NFATC2: variants seen among roughly 807,000 people sequenced by gnomAD.
NFATC2 encodes nuclear factor of activated T-cells, cytoplasmic 2.
NFATC2 carries 22 observed loss-of-function variants against 87.3 expected under a neutral mutation model. That is an observed-to-expected ratio of 0.25 (90% CI 0.18 to 0.36). The LOEUF (loss-of-function observed/expected upper bound fraction) is 0.36, where lower values mean the gene tolerates loss of function less well. Among genes scored for constraint, NFATC2 ranks in the 10% least tolerant of loss-of-function variants. The pLI, the probability that NFATC2 is intolerant of heterozygous loss-of-function variation, is 1.00. For synonymous variants in NFATC2, 565 were observed against 542.2 expected, an observed-to-expected ratio of 1.04 and a Z score of -0.58; for missense variants, 1,149 against 1,259.1, an observed-to-expected ratio of 0.91 and a Z score of 1.32.
chr20:51,542,752 G>GGT (rs1190794055), upstream of NFATC2: 6 of 598,160 alleles, frequency 1.0e-5, 1 homozygote, highest in Admixed American at 8.3e-5. Context: ...GGGGAGGCGG[G>GGT]GGGGGGGGGG....
Position 51,518,405 on chromosome 20 carries a change from G to C in NFATC2, c.1161-1450C>G, listed in dbSNP as rs570949498. Among the ~76,000 whole-genome samples, 12 of 152,130 alleles carry C rather than the reference G, an allele frequency of 7.9e-5. No homozygotes were observed. In the South Asian group the frequency reaches 2.5e-3, roughly 32 times the overall value. ...CACAGCAGTACCAAGGGGAGCCCAG[G>C]GGGTAGCACCTCCATAAACTTCATC... On this transcript the variant is annotated intron_variant, in intron 2 of 10. Transcript: ENST00000371564.
At chr20:51,435,581 T>A in intron 7 of NFATC2, 125 bp downstream of exon 7, 1 of 1,044,544 alleles carries the variant, frequency 9.6e-7, no homozygotes, top group African/African-American at 1.6e-5. Flanking sequence ...TATGCACATA[T>A]TGAGTACCTG....
chr20:51,398,519 G>T, intron 10 of NFATC2, 124 bp downstream of exon 10: 1 of 617,126 alleles, frequency 1.6e-6, no homozygotes, highest in Non-Finnish European at 2.8e-6. Flanking sequence ...TTAAGAGCAG[G>T]AGAATGAGAA....
chr20:51,390,513 C>T lies in NFATC2; in HGVS notation c.*983G>A, dbSNP rs1002047230. ...TCTGGCTGCTAGGAAGAAAGCAAGC[C>T]GGAACCTTGCAAAGCATCCAGGTTG... is the stretch of plus-strand genomic sequence containing the variant. On this transcript the variant is annotated 3_prime_UTR_variant, in exon 11 of 11. Transcript: ENST00000371564. The T allele has an allele frequency of 6.6e-6, 1 of 152,220 alleles. No homozygotes were observed. The highest frequency in any genetic ancestry group is 1.5e-5 in the Non-Finnish European group (1 of 68,056). The allele number at this position is 152,220 out of a possible 1,614,324, so 9.4% of individuals were successfully genotyped here. A position where few individuals can be genotyped will look rare whatever the true frequency, so the allele number is the denominator to read the frequency against.
intron 1 of NFATC2, among the ~76,000 whole-genome samples, chr20:51,532,171 T>C (rs909399911): frequency 2.0e-5 from 3 of 152,200 alleles, no homozygotes; most frequent in African/African-American, 7.2e-5. Context: ...TTCATATTTG[T>C]CTCACAAGAA....
rs1214681895 is a variant in NFATC2 at position 51,491,871 on chromosome 20, TACACATACACACACAC to T, written c.1333-16227_1333-16212del. 6.6e-3 allele frequency among the ~76,000 whole-genome samples: 566 copies of T among 86,358 alleles called. 18 individuals carry two copies. Among genetic ancestry groups the T allele is most frequent in the African/African-American group, 0.017 (414 of 24,090 alleles). The allele number at this position is 86,358 out of a possible 152,430, so 56.7% of individuals were successfully genotyped here. ...AGCCCCACCCCCACCAACACACACA[TACACATACACACACAC>T]ACACACACACACACACACACACACA... On this transcript the variant is annotated intron_variant, in intron 3 of 10. Transcript: ENST00000371564.
At chr20:51,430,234 A>T (rs1982491730) in intron 9 of NFATC2, among the ~76,000 whole-genome samples, 1 of 152,164 alleles carries the variant, frequency 6.6e-6, no homozygotes, top group South Asian at 2.1e-4. Context: ...AGCCCTGCAC[A>T]GACACTCATT....
At chr20:51,447,298 A>C (rs1568989780) in intron 6 of NFATC2, among the ~76,000 whole-genome samples, 2 of 152,172 alleles carry the variant, frequency 1.3e-5, no homozygotes, top group Non-Finnish European at 2.9e-5. Flanking sequence ...GACCGTTCCA[A>C]GAAAATCGTC....
At chr20:51,497,107 G>A (rs532632876) in intron 3 of NFATC2, among the ~76,000 whole-genome samples, 7 of 152,264 alleles carry the variant, frequency 4.6e-5, no homozygotes, top group African/African-American at 1.4e-4. Flanking sequence ...CAGGGGCTTG[G>A]TTACAAGCTG....
intron 10 of NFATC2, among the ~76,000 whole-genome samples, 162 bp downstream of exon 10, chr20:51,398,481 C>T (rs1441874957): frequency 6.6e-6 from 1 of 152,006 alleles, no homozygotes; most frequent in Non-Finnish European, 1.5e-5. Flanking sequence ...CCAGGAGTGT[C>T]CACTTCAGGA....
At chr20:51,482,573 C>T (rs1989354890) in intron 3 of NFATC2, among the ~76,000 whole-genome samples, 1 of 152,064 alleles carries the variant, frequency 6.6e-6, no homozygotes, top group Non-Finnish European at 1.5e-5. Flanking sequence ...TTATGGGGTA[C>T]AATATGTGAT....
In NFATC2 at chr20:51,540,658, G is replaced by GTTTTTTTTTTTTT. The variant is rs397864888; in HGVS notation, c.130+1699_130+1711dup. 3.8e-4 allele frequency among the ~76,000 whole-genome samples: 42 copies of GTTTTTTTTTTTTT among 110,070 alleles called. 1 individual carries two copies. Among genetic ancestry groups the GTTTTTTTTTTTTT allele is most frequent in the Middle Eastern group, 5.8e-3 (1 of 172 alleles). 72.2% of individuals were successfully genotyped at this position (110,070 alleles called of 152,430 possible). On this transcript the variant is annotated intron_variant, in intron 1 of 10. Coordinates refer to ENST00000371564, the MANE Select transcript of NFATC2 (RefSeq NM_012340.5). ...TTCCAAAAACTGAAGTTTTTTTTTT[G>GTTTTTTTTTTTTT]TTTTTTTTTTTTTGAGAAAACAGAT...
At position 51,523,573 on chromosome 20, in the gene NFATC2, C is replaced by G. The variant is rs1348613961; in HGVS notation, c.668G>C (p.Arg223Pro). Reference sequence around the variant, plus strand: ...GCAGCTGTCCTCGGCGAGGCTGGTTCGAGGTGACATTATTGGCGAGGTTCT... The same window carrying G: ...GCAGCTGTCCTCGGCGAGGCTGGTTGGAGGTGACATTATTGGCGAGGTTCT... ...SPRTSPIMSP[R>P]TSLAEDSCLG... Residue 223 changes from arginine (R) to proline (P), a missense_variant, in exon 2 of 11, where the codon CGA (arginine) becomes CCA (proline). Arg to Pro is a moderately radical substitution (Grantham distance 103). Around this residue, in one of 3 missense-constraint regions of NFATC2, gnomAD observed 563 missense variants for 585.2 expected, o/e 0.96. Transcript: ENST00000371564. The surrounding 1 kb of genome is among the most constrained non-coding windows in gnomAD (Gnocchi z 6.9). The G allele has an allele frequency of 6.2e-7, 1 of 1,613,662 alleles. No homozygotes were observed. Among genetic ancestry groups the G allele is most frequent in the Non-Finnish European group, 8.5e-7 (1 of 1,179,792 alleles).
chr20:51,535,298 C>T lies in NFATC2; in HGVS notation c.130+7072G>A, dbSNP rs114795607. Reference sequence around the variant, plus strand: ...CTCTGCCCAACTTAGCAAACAGTCCCTCTCTCCGACCAGCCACCTCTGCGA... The same window carrying T: ...CTCTGCCCAACTTAGCAAACAGTCCTTCTCTCCGACCAGCCACCTCTGCGA... On this transcript the variant is annotated intron_variant, in intron 1 of 10. Coordinates refer to ENST00000371564, the MANE Select transcript of NFATC2 (RefSeq NM_012340.5). Among the ~76,000 whole-genome samples the T allele has an allele frequency of 8.4e-3, 1,283 of 152,306 alleles. 15 individuals carry two copies. The highest frequency in any genetic ancestry group is 0.029 in the African/African-American group (1,222 of 41,570).
At chr20:51,503,377 C>G (rs3787190) in intron 3 of NFATC2, among the ~76,000 whole-genome samples, 63,684 of 152,088 alleles carry the variant, frequency 0.42, 14,427 homozygotes, top group African/African-American at 0.59. Flanking sequence ...TTTGCTTCTT[C>G]GGCAAATTGA....
At chr20:51,549,262 TTTTGTTTGTTTG>T (rs60791870) in intron 1 of NFATC2, among the ~76,000 whole-genome samples, 15 of 151,390 alleles carry the variant, frequency 9.9e-5, no homozygotes, top group African/African-American at 3.7e-4. Flanking sequence ...TTTTTGGTTT[TTTTGTTTGTTTG>T]TTTGTTTGTT....
At chr20:51,415,823 C>T (rs1161338873) in intron 9 of NFATC2, among the ~76,000 whole-genome samples, 1 of 152,208 alleles carries the variant, frequency 6.6e-6, no homozygotes, top group African/African-American at 2.4e-5. Flanking sequence ...CCTCCTCCTC[C>T]TTTCCCTTTC....
intron 9 of NFATC2, among the ~76,000 whole-genome samples, chr20:51,404,394 C>G (rs1305927646): frequency 6.6e-6 from 1 of 152,234 alleles, no homozygotes; most frequent in African/African-American, 2.4e-5. Context: ...TGAGTCAATG[C>G]ATGCAAAGTT....
At chr20:51,421,990 G>A (rs1003778770) in intron 9 of NFATC2, among the ~76,000 whole-genome samples, 5 of 152,118 alleles carry the variant, frequency 3.3e-5, no homozygotes, top group African/African-American at 7.2e-5. Context: ...AACCGGCTGC[G>A]GAACATTTCA....
Sources: allele counts gnomAD v4.1 joint callset (sites outside exome capture counted in the v4.1 genomes callset), GRCh38; gene constraint gnomAD v4.1.1; regional missense constraint gnomAD v4.1.1; non-coding constraint Gnocchi (gnomAD v3.1); transcripts MANE v1.5; gene names NCBI Gene and HGNC (gene_info 2026-07-23, HGNC 2026-07-21).